LIFR: variants seen among roughly 807,000 people sequenced by gnomAD.
LIFR encodes LIF receptor subunit alpha.
In LIFR, 84 loss-of-function variants were observed where a neutral mutation model predicts 122.2. That is an observed-to-expected ratio of 0.69 (90% confidence interval 0.58 to 0.82). LIFR has a LOEUF of 0.82. Among genes scored for constraint, LIFR ranks in the 40% least tolerant of loss-of-function variants. The pLI is 0.00. For missense variants in LIFR, 1,294 were observed against 1,311.6 expected (o/e 0.99, Z 0.21); for synonymous variants, 422 against 434.7 (o/e 0.97, Z 0.36).
chr5:38,583,366 C>T (rs559651948), intron 1 of LIFR, among the ~76,000 whole-genome samples: 105 of 152,172 alleles, frequency 6.9e-4, no homozygotes, highest in African/African-American at 2.4e-3. Flanking sequence ...TTTTTGGAAA[C>T]GAACCAATTC....
intron 5 of LIFR, among the ~76,000 whole-genome samples, chr5:38,516,090 G>C (rs1746064376): frequency 6.6e-6 from 1 of 151,960 alleles, no homozygotes; most frequent in Non-Finnish European, 1.5e-5. Flanking sequence ...ATTGCTTCTT[G>C]CTATTATTTT....
intron 1 of LIFR, among the ~76,000 whole-genome samples, chr5:38,592,891 G>A (rs1749974060): frequency 1.3e-5 from 2 of 151,866 alleles, no homozygotes; most frequent in African/African-American, 4.8e-5. Context: ...TATCTTTCCT[G>A]ATTAGCCAGG....
At chr5:38,551,477 A>G (rs1166175305) in intron 1 of LIFR, among the ~76,000 whole-genome samples, 1 of 152,182 alleles carries the variant, frequency 6.6e-6, no homozygotes, top group Non-Finnish European at 1.5e-5. Context: ...ATGTTCCACA[A>G]TTCAACAGTC....
intron 12 of LIFR, among the ~76,000 whole-genome samples, chr5:38,497,036 G>C (rs1053158757): frequency 1.3e-5 from 2 of 151,762 alleles, no homozygotes; most frequent in African/African-American, 4.8e-5. Context: ...GGCCAAGTGC[G>C]CCTATAATCC....
Position 38,480,313 on chromosome 5 carries a change from G to A in LIFR, c.*1282C>T, listed in dbSNP as rs1156989438. 1 of 227,430 alleles carries A rather than the reference G, an allele frequency of 4.4e-6. No individual in the cohort carries two copies. The highest frequency in any genetic ancestry group is 1.8e-4 in the South Asian group (1 of 5,482). The allele number at this position is 227,430 out of a possible 1,614,324, so 14.1% of individuals were successfully genotyped here. A position where few individuals can be genotyped will look rare whatever the true frequency, so the allele number is the denominator to read the frequency against. ...CAATCACTCCAGACATCGCTTATGA[G>A]AAACAAGGGTGGGCAGAGGATGCTG... is the stretch of plus-strand genomic sequence containing the variant. On this transcript the variant is annotated 3_prime_UTR_variant, in exon 20 of 20. Coordinates refer to ENST00000453190, the MANE Select transcript of LIFR (RefSeq NM_001127671.2).
In LIFR at chr5:38,485,272, T is replaced by C. The variant is rs545413766; in HGVS notation, c.2498-404A>G. Among the ~76,000 whole-genome samples, 24 of 152,282 alleles carry C rather than the reference T, an allele frequency of 1.6e-4. No individual in the cohort carries two copies. The East Asian group carries it at 4.6e-3, about 29-fold the overall frequency. On this transcript the variant is annotated intron_variant, in intron 17 of 19. Coordinates refer to ENST00000453190, the MANE Select transcript of LIFR (RefSeq NM_001127671.2). ...TATCTCTTAGGTGACAAAATCACTCTCCGTTGAGAATCACTGCTTTATAGA... is the reference window on the plus strand; with the variant it reads ...TATCTCTTAGGTGACAAAATCACTCCCCGTTGAGAATCACTGCTTTATAGA...
At chr5:38,567,496 G>GTATTTATT (rs56285132) in intron 1 of LIFR, among the ~76,000 whole-genome samples, 59,711 of 132,548 alleles carry the variant, frequency 0.45, 14,005 homozygotes, top group Admixed American at 0.48. Flanking sequence ...TGACCATTCT[G>GTATTTATT]TATTTATTTA....
chr5:38,527,879 T>C (rs1267688226), intron 3 of LIFR, among the ~76,000 whole-genome samples: 1 of 152,242 alleles, frequency 6.6e-6, no homozygotes, highest in East Asian at 1.9e-4. Context: ...CTGTTGTTCA[T>C]ATATGTTTCA....
chr5:38,562,672 G>A (rs540873326), intron 1 of LIFR, among the ~76,000 whole-genome samples: 2 of 152,222 alleles, frequency 1.3e-5, no homozygotes, highest in Non-Finnish European at 2.9e-5. Flanking sequence ...GGATTGAGCT[G>A]AGGTCCAGCC....
chr5:38,506,132 A>T, intron 8 of LIFR, 58 bp from the exon 9 acceptor site: 1 of 1,200,200 alleles, frequency 8.3e-7, no homozygotes, highest in Non-Finnish European at 1.2e-6. Flanking sequence ...TGCAGGAAAA[A>T]ACGGGCAAAT....
chr5:38,518,034 C>T (rs975243471), intron 5 of LIFR, among the ~76,000 whole-genome samples: 1 of 150,952 alleles, frequency 6.6e-6, no homozygotes, highest in African/African-American at 2.4e-5. Flanking sequence ...AAAAGTATCC[C>T]TTAGGAGTTT....
chr5:38,605,140 G>A (rs1312831564), intron 2 of LIFR, among the ~76,000 whole-genome samples: 1 of 152,108 alleles, frequency 6.6e-6, no homozygotes, highest in African/African-American at 2.4e-5. Flanking sequence ...TAATACTGGA[G>A]GGGTACAATG....
At chr5:38,548,611 T>C (rs1046374927) in intron 1 of LIFR, among the ~76,000 whole-genome samples, 8 of 152,118 alleles carry the variant, frequency 5.3e-5, no homozygotes, top group African/African-American at 1.4e-4. Flanking sequence ...CAACAGTGAC[T>C]TGAATGACTC....
chr5:38,535,822 T>C (rs1747267733), intron 1 of LIFR, among the ~76,000 whole-genome samples: 2 of 152,204 alleles, frequency 1.3e-5, no homozygotes, highest in Admixed American at 1.3e-4. Flanking sequence ...TTAGGCTGCA[T>C]GCTAACCCAG....
At chr5:38,483,509 A>G (rs1744110928) in intron 18 of LIFR, among the ~76,000 whole-genome samples, 1 of 151,554 alleles carries the variant, frequency 6.6e-6, no homozygotes, top group South Asian at 2.1e-4. Flanking sequence ...GCAACCTCCA[A>G]CTCCCTGGTT....
At chr5:38,545,631 G>A (rs1747840444) in intron 1 of LIFR, among the ~76,000 whole-genome samples, 1 of 152,038 alleles carries the variant, frequency 6.6e-6, no homozygotes, top group Admixed American at 6.5e-5. Context: ...GGGAGGCCGA[G>A]GTGGGCGGAT....
chr5:38,523,428 G>A lies in LIFR; in HGVS notation c.552C>T (p.Leu184=), dbSNP rs370454146. 14 of 1,607,488 alleles carry A rather than the reference G, an allele frequency of 8.7e-6. No homozygotes were observed. The highest frequency in any genetic ancestry group is 5.4e-5 in the African/African-American group (4 of 74,350). The change falls in exon 5 of 20, where the codon CTC becomes CTT. Residue 184 remains leucine, a synonymous_variant. Transcript: ENST00000453190. ...IKVLRKESME[L]VKLVTHNTTL... ...CTATGTTCAAACTTACTAATTTTAC[G>A]AGCTCCATACTCTCTTTACGTAGAA...
rs1749422398 is a variant in LIFR at position 38,577,386 on chromosome 5, C to A, written c.-20+17875G>T. Among the ~76,000 whole-genome samples the A allele has an allele frequency of 2.0e-5, 3 of 152,230 alleles. No homozygotes were observed. In the South Asian group the frequency reaches 6.2e-4, roughly 32 times the overall value. On this transcript the variant is annotated intron_variant, in intron 1 of 19. Transcript: ENST00000263409. ...TTCTGATTATTCCCTACCCAGCTCT[C>A]AGGACTTCCATTTACCACACCTGGG... is the stretch of plus-strand genomic sequence containing the variant.
At chr5:38,504,876 C>T (rs1246783239) in intron 9 of LIFR, among the ~76,000 whole-genome samples, 1 of 152,136 alleles carries the variant, frequency 6.6e-6, no homozygotes, top group Non-Finnish European at 1.5e-5. Flanking sequence ...AATAAGGCAA[C>T]AGGATCATCT....
Sources: gnomAD v4.1 joint callset for allele counts (sites outside exome capture counted in the v4.1 genomes callset) on GRCh38, gnomAD v4.1.1 for gene constraint, MANE v1.5 for transcripts, NCBI Gene and HGNC (gene_info 2026-07-23, HGNC 2026-07-21) for gene names.